The following ADAMTSL1 variants were observed in gnomAD, a reference collection of about 807,000 sequenced individuals.
The protein encoded by ADAMTSL1 is ADAMTS like 1.
In ADAMTSL1, 126 loss-of-function variants were observed where a neutral mutation model predicts 201.8. The observed-to-expected ratio is 0.62, with a 90% confidence interval of 0.54 to 0.72. ADAMTSL1 has a LOEUF of 0.72. Ranked by LOEUF, ADAMTSL1 falls within the 30% of genes least tolerant of loss-of-function variation. ADAMTSL1 has a pLI of 0.00. For missense variants in ADAMTSL1, 2,679 were observed against 2,277.8 expected (o/e 1.18, Z -3.59); for synonymous variants, 1,121 against 903.4 (o/e 1.24, Z -4.32).
intron 4 of ADAMTSL1, among the ~76,000 whole-genome samples, chr9:18,581,229 CTCTGTG>C (rs374042266): frequency 1.3e-5 from 2 of 152,286 alleles, no homozygotes; most frequent in Non-Finnish European, 2.9e-5. Flanking sequence ...GCATTCTACC[CTCTGTG>C]TCTGTGTCTT....
chr9:18,404,981 G>T (rs1818128394), intron 2 of ADAMTSL1, among the ~76,000 whole-genome samples: 1 of 151,938 alleles, frequency 6.6e-6, no homozygotes, highest in African/African-American at 2.4e-5. Flanking sequence ...ATTGAGTCTG[G>T]CCAACAACTT....
At chr9:18,146,947 C>G (rs1321333759) in intron 1 of ADAMTSL1, among the ~76,000 whole-genome samples, 2 of 152,058 alleles carry the variant, frequency 1.3e-5, no homozygotes, top group African/African-American at 4.8e-5. Flanking sequence ...TGGCTAACAC[C>G]TTTCTATTTC....
intron 2 of ADAMTSL1, among the ~76,000 whole-genome samples, chr9:18,253,198 T>C (rs1027428009): frequency 6.6e-6 from 1 of 152,174 alleles, no homozygotes; most frequent in Non-Finnish European, 1.5e-5. Flanking sequence ...ACCTTACCTA[T>C]GTCTATATAT....
At chr9:18,689,550 A>C (rs1831085695) in intron 13 of ADAMTSL1, among the ~76,000 whole-genome samples, 1 of 152,324 alleles carries the variant, frequency 6.6e-6, no homozygotes, top group Admixed American at 6.5e-5. Flanking sequence ...AAAGAAAAAA[A>C]GGTATAGTCT....
In ADAMTSL1 at chr9:18,383,404, A is replaced by C. The variant is rs559340832; in HGVS notation, c.208-121425A>C. 2.6e-5 allele frequency among the ~76,000 whole-genome samples: 4 copies of C among 152,232 alleles called. No individual in the cohort carries two copies. The East Asian group carries it at 5.8e-4, about 22-fold the overall frequency. On this transcript the variant is annotated intron_variant, in intron 2 of 29. Transcript: ENST00000680146. ...TACGTGTTTAAGGCCTTTCATTTGC[A>C]AAAGGTAGGCCTAGGACAGAGAAAT...
At chr9:18,558,266 T>G (rs1821233227) in intron 3 of ADAMTSL1, among the ~76,000 whole-genome samples, 2 of 152,180 alleles carry the variant, frequency 1.3e-5, no homozygotes, top group Non-Finnish European at 2.9e-5. Flanking sequence ...AGTGTCTGGT[T>G]TTCTGTTCTT....
rs181431893 is a variant in ADAMTSL1, at chr9:18,193,839, C to T, written c.207+29858C>T. Among the ~76,000 whole-genome samples the T allele has an allele frequency of 2.9e-3, 446 of 152,244 alleles. 4 individuals carry two copies. Among genetic ancestry groups the T allele is most frequent in the South Asian group, 0.017 (84 of 4,822 alleles). ...GCCCTTTTCTTTATCCTCCCAGTCC[C>T]TTATTATTTGAATCCCTGTATTAAA... On this transcript the variant is annotated intron_variant, in intron 2 of 29. Coordinates refer to the ADAMTSL1 transcript ENST00000680146.
In ADAMTSL1 at chr9:18,034,600, C is replaced by G. The variant is rs564840569; in HGVS notation, c.87+127678C>G. The stretch of plus-strand genomic sequence containing the variant: ...TACCATTCATTTAGTGAACTTAGCA[C>G]CAAACCTCAGTACCATCTGACAGTT... On this transcript the variant is annotated intron_variant, in intron 1 of 29. Coordinates refer to the ADAMTSL1 transcript ENST00000680146. Among the ~76,000 whole-genome samples the G allele has an allele frequency of 7.2e-5, 11 of 152,240 alleles. No homozygotes were observed. In the East Asian group the frequency reaches 1.9e-3, roughly 27 times the overall value.
intron 1 of ADAMTSL1, among the ~76,000 whole-genome samples, chr9:18,003,965 G>T (rs1819714107): frequency 6.6e-6 from 1 of 151,984 alleles, no homozygotes; most frequent in African/African-American, 2.4e-5. Flanking sequence ...TTGGAAAAAA[G>T]GATTCCAATA....
At chr9:18,747,062 T>A (rs1819188946) in intron 15 of ADAMTSL1, among the ~76,000 whole-genome samples, 1 of 152,200 alleles carries the variant, frequency 6.6e-6, no homozygotes, top group African/African-American at 2.4e-5. Context: ...CACTTGTGAT[T>A]TTCTGAAACT....
chr9:18,891,449 G>GAATT (rs1829266022), intron 25 of ADAMTSL1, among the ~76,000 whole-genome samples: 1 of 152,166 alleles, frequency 6.6e-6, no homozygotes, highest in Non-Finnish European at 1.5e-5. Context: ...TTCTCTTTGA[G>GAATT]AATTACCACA....
chr9:18,139,857 C>T (rs1017486107), intron 1 of ADAMTSL1, among the ~76,000 whole-genome samples: 11 of 152,000 alleles, frequency 7.2e-5, no homozygotes, highest in African/African-American at 2.7e-4. Context: ...TATGATTCCT[C>T]TTTGTTGGTT....
chr9:18,078,626 G>A lies in ADAMTSL1; in HGVS notation c.88-85236G>A, dbSNP rs543781942. On this transcript the variant is annotated intron_variant, in intron 1 of 29. Transcript: ENST00000680146. ...ATATTTAAAGCTGTATCACTTTCTC[G>A]TGAGTATTTTTGTGGTTTTTTCTAG... Among the ~76,000 whole-genome samples, 34 of 152,186 alleles carry A rather than the reference G, an allele frequency of 2.2e-4. 1 individual carries two copies. In the South Asian group the frequency reaches 6.4e-3, roughly 29 times the overall value.
chr9:18,293,894 G>A (rs1833370674), intron 2 of ADAMTSL1, among the ~76,000 whole-genome samples: 1 of 152,174 alleles, frequency 6.6e-6, no homozygotes, highest in Admixed American at 6.5e-5. Flanking sequence ...AAATGGGTTG[G>A]AGAATGGGGT....
intron 23 of ADAMTSL1, among the ~76,000 whole-genome samples, chr9:18,835,793 T>C (rs1825275615): frequency 6.6e-6 from 1 of 152,146 alleles, no homozygotes; most frequent in Non-Finnish European, 1.5e-5. Flanking sequence ...CTGCTTAGGA[T>C]AATGGCCTCC....
chr9:18,152,055 C>A (rs1446511134), intron 1 of ADAMTSL1, among the ~76,000 whole-genome samples: 1 of 152,058 alleles, frequency 6.6e-6, no homozygotes, highest in African/African-American at 2.4e-5. Flanking sequence ...AATCACTTTT[C>A]ATAATTATCA....
chr9:18,354,240 A>C (rs1836110749), intron 2 of ADAMTSL1, among the ~76,000 whole-genome samples: 1 of 151,892 alleles, frequency 6.6e-6, no homozygotes, highest in Admixed American at 6.6e-5. Flanking sequence ...TAATTTAATT[A>C]ACTAGTCATT....
rs766177944 is a variant in ADAMTSL1, at chr9:18,753,508, G to A, written c.2217G>A (p.Pro739=). ...CCTGGTACCCTGCACAGTGGCAGCC[G>A]GTGAGTTCTGAAGTTACTCAATATT... ...PPAWYPAQWQ[P]CSRTCGGGVQ... The change falls in exon 16 of 29, where the codon CCG becomes CCA. Residue 739 remains proline, a splice_region_variant and synonymous_variant. Transcript: ENST00000380548. The A allele has an allele frequency of 1.8e-5, 29 of 1,608,410 alleles. No homozygotes were observed. Among genetic ancestry groups the A allele is most frequent in the East Asian group, 4.5e-5 (2 of 44,698 alleles).
intron 1 of ADAMTSL1, among the ~76,000 whole-genome samples, chr9:17,927,118 T>G (rs1826571531): frequency 6.6e-6 from 1 of 152,232 alleles, no homozygotes; most frequent in Non-Finnish European, 1.5e-5. Flanking sequence ...TGATTTTGAC[T>G]GCTCTAGGTA....
Sources: allele counts gnomAD v4.1 joint callset (sites outside exome capture counted in the v4.1 genomes callset), GRCh38; gene constraint gnomAD v4.1.1; transcripts MANE v1.5; gene names NCBI Gene and HGNC (gene_info 2026-07-23, HGNC 2026-07-21).